CLCN1: variants seen among roughly 807,000 people sequenced by gnomAD.
CLCN1 encodes chloride channel protein 1.
A neutral mutation model predicts 114.5 loss-of-function variants in CLCN1; 100 were observed. The ratio of observed to expected loss-of-function variants is 0.87; its 90% confidence interval spans 0.74 to 1.03. The LOEUF is 1.03. CLCN1 is among the 50% of genes least tolerant of loss of function. CLCN1 has a pLI of 0.00. For synonymous variants in CLCN1, 485 were observed against 487.1 expected (o/e 1.00, Z 0.06); for missense variants, 1,188 against 1,250.0 (o/e 0.95, Z 0.75).
At chr7:143,323,720 C>A in intron 6 of CLCN1, 1 of 514,276 alleles carries the variant, frequency 1.9e-6, no homozygotes, top group South Asian at 1.5e-5. Flanking sequence ...GTGTGCTCCC[C>A]CATCCCTTTG....
chr7:143,345,260 T>C (rs904181588), intron 16 of CLCN1, among the ~76,000 whole-genome samples: 5 of 152,226 alleles, frequency 3.3e-5, no homozygotes, highest in African/African-American at 1.2e-4. Context: ...CTGAAGTCTA[T>C]ATAAGGCCTC....
At chr7:143,343,754 C>G (rs6968310) in intron 16 of CLCN1, among the ~76,000 whole-genome samples, 1 of 151,194 alleles carries the variant, frequency 6.6e-6, no homozygotes, top group African/African-American at 2.4e-5. Context: ...TTCTCTTTCT[C>G]TCTCTCTCCC....
At chr7:143,330,049 C>T (rs1284261668) in intron 7 of CLCN1, among the ~76,000 whole-genome samples, 2 of 152,152 alleles carry the variant, frequency 1.3e-5, no homozygotes, top group Non-Finnish European at 1.5e-5. Context: ...CTTAGCTTTC[C>T]TTTTGCCTCA....
chr7:143,338,687 T>C (rs1802986977), intron 12 of CLCN1, among the ~76,000 whole-genome samples: 1 of 150,670 alleles, frequency 6.6e-6, no homozygotes, highest in Non-Finnish European at 1.5e-5. Flanking sequence ...CTCAGGAGGC[T>C]GAGACAGGAA....
chr7:143,317,244 C>CTT (rs1207676166), intron 1 of CLCN1, among the ~76,000 whole-genome samples: 1,556 of 113,682 alleles, frequency 0.014, 46 homozygotes, highest in Non-Finnish European at 0.017. Context: ...TTGGCCAGAA[C>CTT]TTTTTTTTTT....
intron 12 of CLCN1, among the ~76,000 whole-genome samples, chr7:143,338,645 G>T (rs1193108585): frequency 6.6e-6 from 1 of 151,960 alleles, no homozygotes; most frequent in Non-Finnish European, 1.5e-5. Context: ...AAATTAGCTG[G>T]GCATGGTGGC....
intron 1 of CLCN1, among the ~76,000 whole-genome samples, chr7:143,317,495 G>A (rs1179739422): frequency 1.3e-5 from 2 of 151,866 alleles, no homozygotes; most frequent in Non-Finnish European, 2.9e-5. Context: ...TAATTCACCC[G>A]CCTTGGCCTC....
chr7:143,332,739 G>A lies in CLCN1; in HGVS notation c.1267G>A (p.Ala423Thr), dbSNP rs943200637. 13 of 1,614,168 alleles carry A rather than the reference G, an allele frequency of 8.1e-6. No individual in the cohort carries two copies. Among genetic ancestry groups the A allele is most frequent in the Non-Finnish European group, 1.0e-5 (12 of 1,180,038 alleles). Residue 423 changes from alanine to threonine, a missense_variant, in exon 12 of 23, where the codon GCC becomes ACC. By Grantham distance (58) the Ala-to-Thr change is moderately conservative (BLOSUM62 0). Transcript: ENST00000343257. Reference sequence around the variant, plus strand: ...CCTCTCCCAGTTGATGCCCCGCGAAGCCATCAGTACTTTGTTTGACAACAA... The same window carrying A: ...CCTCTCCCAGTTGATGCCCCGCGAAACCATCAGTACTTTGTTTGACAACAA... ...FMAGELMPRE[A>T]ISTLFDNNTW...
At chr7:143,331,025 G>A (rs1802708879) in intron 8 of CLCN1, 128 bp downstream of exon 8, 1 of 1,366,968 alleles carries the variant, frequency 7.3e-7, no homozygotes, top group South Asian at 1.2e-5. Context: ...GTGGGACCAA[G>A]GCCCAAGGGT....
rs1803242796 is a variant in CLCN1 at position 143,346,260 on chromosome 7, C to T, written c.2284+9C>T. 1.3e-6 allele frequency: 2 copies of T among 1,577,896 alleles called. No homozygotes were observed. Among genetic ancestry groups the T allele is most frequent in the African/African-American group, 1.3e-5 (1 of 74,094 alleles). On this transcript the variant is annotated intron_variant, in intron 18 of 22. Coordinates refer to ENST00000343257, the MANE Select transcript of CLCN1 (RefSeq NM_000083.3). ...AGCACCAGAGCCTGCAGGTGACGCT[C>T]TTCCCTCATGCACCCCAACTCACCC... is the stretch of plus-strand genomic sequence containing the variant.
Position 143,350,253 on chromosome 7 carries a change from G to A in CLCN1, c.2404-119G>A, listed in dbSNP as rs1586520911. 9.3e-6 allele frequency: 7 copies of A among 756,570 alleles called. No homozygotes were observed. The East Asian group carries it at 1.1e-4, about 12-fold the overall frequency. 46.9% of individuals were successfully genotyped at this position (756,570 alleles called of 1,614,324 possible). ...CTCTGATCTGGGGGATCTATGATCAGTTCTTGCATGTTCCCAGATTCTGGG... is the reference window on the plus strand; with the variant it reads ...CTCTGATCTGGGGGATCTATGATCAATTCTTGCATGTTCCCAGATTCTGGG... On this transcript the variant is annotated intron_variant, in intron 20 of 22. Transcript: ENST00000343257. The surrounding 1 kb of genome is among the most constrained non-coding windows in gnomAD (Gnocchi z 5.1).
Position 143,321,487 on chromosome 7 carries a change from G to A in CLCN1, c.556G>A (p.Ala186Thr). ...CTTCTGCCACCTCATCTCTCCCCAGGCTGTTGGTGAGAACTTGCCACCAGA... is the reference window on the plus strand; with the variant it reads ...CTTCTGCCACCTCATCTCTCCCCAGACTGTTGGTGAGAACTTGCCACCAGA... ...ALFCHLISPQAVGSGIPEMKT... is the reference protein window; with the variant it reads ...ALFCHLISPQTVGSGIPEMKT... Residue 186 changes from alanine (A) to threonine (T), a missense_variant, in exon 4 of 23, where the codon GCT (alanine) becomes ACT (threonine). Transcript: ENST00000343257. This position sits in a 1 kb window ranked among gnomAD's most constrained non-coding sequence, Gnocchi z 4.2. 2 of 1,613,976 alleles carry A rather than the reference G, an allele frequency of 1.2e-6. No homozygotes were observed. The highest frequency in any genetic ancestry group is 1.7e-6 in the Non-Finnish European group (2 of 1,180,012).
rs35882576 is a variant in CLCN1 at position 143,350,780 on chromosome 7, CTTT to C, written c.2595+138_2595+140del. ...CTCAGATTCCCTTCTCTATTTCTTT[CTTT>C]TTTTTTTTTTTGAGACAGAGTTTCA... On this transcript the variant is annotated intron_variant, in intron 22 of 22. Transcript: ENST00000343257. This position sits in a 1 kb window ranked among gnomAD's most constrained non-coding sequence, Gnocchi z 5.1. The C allele has an allele frequency of 9.3e-4, 562 of 604,846 alleles. No individual in the cohort carries two copies. The highest frequency in any genetic ancestry group is 2.3e-3 in the Middle Eastern group (5 of 2,134). The allele number at this position is 604,846 out of a possible 1,614,324, so 37.5% of individuals were successfully genotyped here.
chr7:143,344,901 C>A (rs1261445482), intron 16 of CLCN1, among the ~76,000 whole-genome samples: 1 of 152,072 alleles, frequency 6.6e-6, no homozygotes, highest in Non-Finnish European at 1.5e-5. Context: ...CAGGCGCCTG[C>A]CACCACGCCC....
intron 1 of CLCN1, among the ~76,000 whole-genome samples, chr7:143,319,242 T>A (rs895617208): frequency 6.6e-6 from 1 of 152,110 alleles, no homozygotes; most frequent in African/African-American, 2.4e-5. Context: ...TGAAGCTTGA[T>A]AGAGGACCTG....
chr7:143,333,310 A>G (rs3793346), intron 12 of CLCN1, among the ~76,000 whole-genome samples: 43,712 of 152,014 alleles, frequency 0.29, 7,597 homozygotes, highest in African/African-American at 0.5. Context: ...CAAAAAAAAA[A>G]AAAAAAATTA....
Position 143,339,562 on chromosome 7 carries a change from A to G in CLCN1, c.1523A>G (p.Asp508Gly). Residue 508 changes from aspartate (D) to glycine (G), a missense_variant, in exon 14 of 23, where the codon GAT (aspartate) becomes GGT (glycine). Coordinates refer to ENST00000343257, the MANE Select transcript of CLCN1 (RefSeq NM_000083.3). The surrounding 1 kb of genome is among the most constrained non-coding windows in gnomAD (Gnocchi z 4.1). ...VGEIMAMLFPDGILFDDIIYK... is the reference protein window; with the variant it reads ...VGEIMAMLFPGGILFDDIIYK... ...GAAATCATGGCCATGCTCTTTCCTG[A>G]TGGTATTTTGTTTGATGACATCATC... The G allele has an allele frequency of 6.2e-7, 1 of 1,613,938 alleles. No homozygotes were observed. The highest frequency in any genetic ancestry group is 8.5e-7 in the Non-Finnish European group (1 of 1,179,918).
rs897144310 is a variant in CLCN1, at chr7:143,346,810, G to C, written c.2365-101G>C. 3 of 1,255,634 alleles carry C rather than the reference G, an allele frequency of 2.4e-6. No individual in the cohort carries two copies. The South Asian group carries it at 3.6e-5, about 15-fold the overall frequency. The allele number at this position is 1,255,634 out of a possible 1,614,324, so 77.8% of individuals were successfully genotyped here. On this transcript the variant is annotated intron_variant, in intron 19 of 22. Transcript: ENST00000343257. Reference sequence around the variant, plus strand: ...GGATGATGAATGAAAAGGAGGCATCGGTGGTCCTGGCCAGGGAGGGATGGC... The same window carrying C: ...GGATGATGAATGAAAAGGAGGCATCCGTGGTCCTGGCCAGGGAGGGATGGC...
At chr7:143,322,024 A>T (rs1253776245) in intron 5 of CLCN1, among the ~76,000 whole-genome samples, 176 bp downstream of exon 5, 1 of 152,260 alleles carries the variant, frequency 6.6e-6, no homozygotes, top group Non-Finnish European at 1.5e-5. Flanking sequence ...AGGTCCAATG[A>T]CAAAAACCAC....
Sources: allele counts gnomAD v4.1 joint callset (sites outside exome capture counted in the v4.1 genomes callset), GRCh38; gene constraint gnomAD v4.1.1; non-coding constraint Gnocchi (gnomAD v3.1); transcripts MANE v1.5; gene names NCBI Gene and HGNC (gene_info 2026-07-23, HGNC 2026-07-21).